Variants in RNF41 observed in about 807,000 individuals in gnomAD.
RNF41 encodes E3 ubiquitin-protein ligase NRDP1.
Under a neutral mutation model 33.0 loss-of-function variants are expected in RNF41, and 4 were observed. That is an observed-to-expected ratio of 0.12 (90% CI 0.06 to 0.28). RNF41 has a LOEUF of 0.28. Among genes scored for constraint, RNF41 ranks in the 10% least tolerant of loss-of-function variants. The pLI is 1.00. For missense variants in RNF41, 228 were observed against 432.6 expected (o/e 0.53, Z 4.19); for synonymous variants, 164 against 153.2 (o/e 1.07, Z -0.52).
At chr12:56,210,267 C>A in intron 4 of RNF41, 30 bp downstream of exon 4, 1 of 1,601,622 alleles carries the variant, frequency 6.2e-7, no homozygotes, top group South Asian at 1.1e-5. Flanking sequence ...TGGCCCTTAT[C>A]CATGTGGGGC....
intron 3 of RNF41, among the ~76,000 whole-genome samples, chr12:56,211,039 G>T (rs1868439015): frequency 1.3e-5 from 2 of 152,188 alleles, no homozygotes; most frequent in African/African-American, 2.4e-5. Flanking sequence ...AAAAAAATTA[G>T]CCAGGGGTGG....
intron 5 of RNF41, 117 bp downstream of exon 5, chr12:56,208,046 A>G: frequency 7.9e-7 from 1 of 1,273,022 alleles, no homozygotes; most frequent in Non-Finnish European, 1.1e-6. Flanking sequence ...ATATCCACTC[A>G]TCTAGGCTCA....
At chr12:56,209,546 G>A (rs1004227872) in intron 4 of RNF41, among the ~76,000 whole-genome samples, 13 of 149,926 alleles carry the variant, frequency 8.7e-5, no homozygotes, top group South Asian at 4.2e-4. Flanking sequence ...CAAGCTCCCC[G>A]TCCCAGGTTC....
rs1868258851 is a variant in RNF41, at chr12:56,205,956, T to G, written c.*491A>C. On this transcript the variant is annotated 3_prime_UTR_variant, in exon 7 of 7. Coordinates refer to ENST00000345093, the MANE Select transcript of RNF41 (RefSeq NM_005785.4). ...CCAGTCTTTCCCTAAGGGCCATCAGTGATGGCCAATTAACGGCCTCACTAC... is the reference window on the plus strand; with the variant it reads ...CCAGTCTTTCCCTAAGGGCCATCAGGGATGGCCAATTAACGGCCTCACTAC... The G allele has an allele frequency of 6.2e-6, 1 of 160,778 alleles. No homozygotes were observed. Among genetic ancestry groups the G allele is most frequent in the Non-Finnish European group, 1.4e-5 (1 of 72,346 alleles). 10.0% of individuals were successfully genotyped at this position (160,778 alleles called of 1,614,324 possible).
chr12:56,221,118 T>G (rs1869380616), intron 1 of RNF41, among the ~76,000 whole-genome samples: 1 of 152,180 alleles, frequency 6.6e-6, no homozygotes, highest in Non-Finnish European at 1.5e-5. Flanking sequence ...CCCTCCTGGC[T>G]TTCTGCTCTT....
chr12:56,202,685 C>T lies in RNF41; in HGVS notation c.*3762G>A, dbSNP rs1273094203. 1 of 152,136 alleles carries T rather than the reference C, an allele frequency of 6.6e-6. No individual in the cohort carries two copies. Among genetic ancestry groups the T allele is most frequent in the Non-Finnish European group, 1.5e-5 (1 of 68,044 alleles). 9.4% of individuals were successfully genotyped at this position (152,136 alleles called of 1,614,324 possible). A position where few individuals can be genotyped will look rare whatever the true frequency, so the allele number is the denominator to read the frequency against. ...TTGGCTCACATATTACTAGTAAATC[C>T]ACTTAGCACATTTATGATCCCTTAT... is the stretch of plus-strand genomic sequence containing the variant. On this transcript the variant is annotated 3_prime_UTR_variant, in exon 7 of 7. Coordinates refer to ENST00000345093, the MANE Select transcript of RNF41 (RefSeq NM_005785.4).
chr12:56,207,388 T>A (rs1162544916), intron 6 of RNF41: 1 of 880,948 alleles, frequency 1.1e-6, no homozygotes, highest in African/African-American at 1.7e-5. Flanking sequence ...GCTTTGTACA[T>A]GGGTACTCAC....
At chr12:56,221,396 C>T (rs574414166) in intron 1 of RNF41, among the ~76,000 whole-genome samples, 14 of 152,262 alleles carry the variant, frequency 9.2e-5, no homozygotes, top group African/African-American at 3.4e-4. Flanking sequence ...CCGCCCCTGC[C>T]CAGGCTGGCC....
In RNF41 at chr12:56,220,058, T is replaced by TAA. The variant is rs1386753592; in HGVS notation, c.-209+1701_-209+1702insTT. Among the ~76,000 whole-genome samples, 68 of 149,332 alleles carry TAA rather than the reference T, an allele frequency of 4.6e-4. No individual in the cohort carries two copies. In the East Asian group the frequency reaches 6.6e-3, roughly 15 times the overall value. On this transcript the variant is annotated intron_variant, in intron 1 of 6. Coordinates refer to ENST00000345093, the MANE Select transcript of RNF41 (RefSeq NM_005785.4). ...ATAAATAAATAAATAAATAAATAAA[T>TAA]ATGAAAGGATACTGAATACTGTTAT...
chr12:56,206,752 T>C lies in RNF41; in HGVS notation c.649A>G (p.Met217Val), dbSNP rs1384634915. Residue 217 changes from methionine (M) to valine (V), a missense_variant, in exon 7 of 7, where the codon ATG becomes GTG. Around this residue, in one of 2 missense-constraint regions of RNF41, gnomAD observed 199 missense variants for 334.6 expected, o/e 0.59. Coordinates refer to ENST00000345093, the MANE Select transcript of RNF41 (RefSeq NM_005785.4). This position sits in a 1 kb window ranked among gnomAD's most constrained non-coding sequence, Gnocchi z 5.7. ...AGCACAGCATCAGGAGTCGAGATCA[T>C]CCCTCCCCAGCGGGTCACTCTTGCT... Reference protein sequence around the residue: ...QPARVTRWGGMISTPDAVLQA... With the variant: ...QPARVTRWGGVISTPDAVLQA... 6.2e-7 allele frequency: 1 copy of C among 1,614,064 alleles called. No individual in the cohort carries two copies. Among genetic ancestry groups the C allele is most frequent in the Non-Finnish European group, 8.5e-7 (1 of 1,180,006 alleles).
At chr12:56,217,698 C>T (rs1436083533) in intron 1 of RNF41, among the ~76,000 whole-genome samples, 4 of 152,130 alleles carry the variant, frequency 2.6e-5, no homozygotes, top group Admixed American at 6.6e-5. Context: ...AGGAAACAAG[C>T]GAGCATTAAG....
In RNF41 at chr12:56,203,257, C is replaced by G. The variant is rs1463438967; in HGVS notation, c.*3190G>C. ...GGAGTGCAGTGGCATGATCTCAGCT[C>G]ACTGCAACCTCCACCTCCCAGGTTC... On this transcript the variant is annotated 3_prime_UTR_variant, in exon 7 of 7. Transcript: ENST00000345093. The G allele has an allele frequency of 6.6e-6, 1 of 152,052 alleles. No homozygotes were observed. The highest frequency in any genetic ancestry group is 2.4e-5 in the African/African-American group (1 of 41,300). The allele number at this position is 152,052 out of a possible 1,614,324, so 9.4% of individuals were successfully genotyped here.
At chr12:56,211,788 T>C (rs1050407485) in intron 3 of RNF41, among the ~76,000 whole-genome samples, 45 of 150,424 alleles carry the variant, frequency 3.0e-4, no homozygotes, top group Non-Finnish European at 4.6e-4. Flanking sequence ...CTGGCTAACA[T>C]AGCGAAACCC....
rs558049038 is a variant in RNF41 at position 56,219,535 on chromosome 12, G to A, written c.-209+2225C>T. Among the ~76,000 whole-genome samples the A allele has an allele frequency of 6.7e-5, 10 of 149,966 alleles. No homozygotes were observed. In the South Asian group the frequency reaches 1.9e-3, roughly 29 times the overall value. ...GTAGAGACAGGGTTTCAACATGTTGGCCAGGCTGGTCTCAAACTGGCCTCA... is the reference window on the plus strand; with the variant it reads ...GTAGAGACAGGGTTTCAACATGTTGACCAGGCTGGTCTCAAACTGGCCTCA... On this transcript the variant is annotated intron_variant, in intron 1 of 6. Transcript: ENST00000345093.
In RNF41 at chr12:56,206,199, G is replaced by A; in HGVS notation, c.*248C>T. Reference sequence around the variant, plus strand: ...AAGCAGGAAAATGGATGGAGGTGGGGGCTTTCCCACCCAGACTGATAATTT... The same window carrying A: ...AAGCAGGAAAATGGATGGAGGTGGGAGCTTTCCCACCCAGACTGATAATTT... On this transcript the variant is annotated 3_prime_UTR_variant, in exon 7 of 7. Transcript: ENST00000345093. This position sits in a 1 kb window ranked among gnomAD's most constrained non-coding sequence, Gnocchi z 5.7. 1 of 445,884 alleles carries A rather than the reference G, an allele frequency of 2.2e-6. No individual in the cohort carries two copies. The allele number at this position is 445,884 out of a possible 1,614,324, so 27.6% of individuals were successfully genotyped here.
At chr12:56,212,530 A>G (rs1186557531) in intron 3 of RNF41, among the ~76,000 whole-genome samples, 1 of 151,998 alleles carries the variant, frequency 6.6e-6, no homozygotes, top group Non-Finnish European at 1.5e-5. Context: ...GCCTAAAATG[A>G]TAGTGCCAGA....
intron 1 of RNF41, among the ~76,000 whole-genome samples, chr12:56,218,720 T>A (rs1397027319): frequency 6.7e-6 from 1 of 149,638 alleles, no homozygotes; most frequent in African/African-American, 2.4e-5. Flanking sequence ...TTATTTTTTT[T>A]TTGAGACAAA....
intron 1 of RNF41, among the ~76,000 whole-genome samples, chr12:56,217,139 T>TAA (rs1180669951): frequency 1.3e-4 from 14 of 104,834 alleles, no homozygotes; most frequent in African/African-American, 3.6e-4. Context: ...GACTCCGTCT[T>TAA]AAAAAAAAAA....
intron 4 of RNF41, 73 bp downstream of exon 4, chr12:56,210,221 TGAG>T (rs2135804173): frequency 6.6e-7 from 1 of 1,521,550 alleles, no homozygotes; most frequent in Non-Finnish European, 9.0e-7. Context: ...CCTCAGCTAG[TGAG>T]GAGGGCAGCC....
Sources: gnomAD v4.1 joint callset for allele counts (sites outside exome capture counted in the v4.1 genomes callset) on GRCh38, gnomAD v4.1.1 for gene constraint, gnomAD v4.1.1 regional missense constraint, Gnocchi (gnomAD v3.1) non-coding constraint, MANE v1.5 for transcripts, NCBI Gene and HGNC (gene_info 2026-07-23, HGNC 2026-07-21) for gene names.